NDRG1: variants seen among roughly 807,000 people sequenced by gnomAD.
NDRG1 encodes the protein protein NDRG1.
NDRG1 carries 32 observed loss-of-function variants against 56.9 expected under a neutral mutation model. That is an observed-to-expected ratio of 0.56 (90% confidence interval 0.42 to 0.76). The LOEUF is 0.76. Ranked by LOEUF, NDRG1 falls within the 30% of genes least tolerant of loss-of-function variation. The pLI, the probability that NDRG1 is intolerant of heterozygous loss-of-function variation, is 0.00. For missense variants in NDRG1, 507 were observed against 545.7 expected (o/e 0.93, Z 0.71); for synonymous variants, 211 against 204.1 (o/e 1.03, Z -0.29).
intron 1 of NDRG1, among the ~76,000 whole-genome samples, chr8:133,286,958 G>A (rs896528569): frequency 2.0e-5 from 3 of 152,144 alleles, no homozygotes; most frequent in Admixed American, 2.0e-4. Context: ...GGTGCTCTCT[G>A]CAGGTTGACC....
intron 4 of NDRG1, among the ~76,000 whole-genome samples, chr8:133,262,813 C>T (rs77256406): frequency 4.2e-4 from 64 of 152,312 alleles, no homozygotes; most frequent in African/African-American, 1.4e-3. Flanking sequence ...ACCATACCTG[C>T]CACCCAGATT....
intron 15 of NDRG1, chr8:133,240,015 G>A (rs1855293629): frequency 6.6e-6 from 1 of 152,296 alleles, no homozygotes; most frequent in South Asian, 2.1e-4. Context: ...GGCTGAGATT[G>A]GAGTGATGCA....
chr8:133,278,167 G>C (rs1446414698), intron 3 of NDRG1, among the ~76,000 whole-genome samples: 4 of 152,210 alleles, frequency 2.6e-5, no homozygotes, highest in African/African-American at 9.6e-5. Context: ...GACCCCTGGG[G>C]CTAACTTCCA....
In NDRG1 at chr8:133,238,078, G is replaced by C. The variant is rs1456638674; in HGVS notation, c.*800C>G. 1 of 233,030 alleles carries C rather than the reference G, an allele frequency of 4.3e-6. No homozygotes were observed. The highest frequency in any genetic ancestry group is 8.5e-6 in the Non-Finnish European group (1 of 117,972). The allele number at this position is 233,030 out of a possible 1,614,324, so 14.4% of individuals were successfully genotyped here. A position where few individuals can be genotyped will look rare whatever the true frequency, so the allele number is the denominator to read the frequency against. ...ATCACTGGCTCATGTATCAGGGGTG[G>C]GAGGTTGGGGCTGTGGAGGAGAGGC... On this transcript the variant is annotated 3_prime_UTR_variant, in exon 16 of 16. Transcript: ENST00000323851.
At chr8:133,270,098 G>A (rs1332117634) in intron 3 of NDRG1, among the ~76,000 whole-genome samples, 1 of 152,222 alleles carries the variant, frequency 6.6e-6, no homozygotes, top group African/African-American at 2.4e-5. Flanking sequence ...CAGCCAGGCC[G>A]CCAATTCCCA....
intron 15 of NDRG1, chr8:133,239,366 A>C: frequency 1.6e-6 from 1 of 633,030 alleles, no homozygotes. Flanking sequence ...TCTGGGTCTG[A>C]ACCCCAATTC....
At chr8:133,278,158 A>G (rs1286758896) in intron 3 of NDRG1, among the ~76,000 whole-genome samples, 1 of 152,102 alleles carries the variant, frequency 6.6e-6, no homozygotes, top group Non-Finnish European at 1.5e-5. Flanking sequence ...TGAGCAGATG[A>G]CCCCTGGGGC....
At chr8:133,291,709 G>A (rs948916915) in intron 1 of NDRG1, among the ~76,000 whole-genome samples, 2 of 152,270 alleles carry the variant, frequency 1.3e-5, no homozygotes, top group South Asian at 4.1e-4. Flanking sequence ...GGAACTCCTC[G>A]AGGGCCCCTG....
chr8:133,294,673 G>GGGT (rs1554596649), intron 1 of NDRG1, among the ~76,000 whole-genome samples: 1 of 108,026 alleles, frequency 9.3e-6, no homozygotes, highest in African/African-American at 4.4e-5. Flanking sequence ...TTCTGTCATG[G>GGGT]GGGGGGGGCA....
intron 11 of NDRG1, 104 bp downstream of exon 11, chr8:133,248,611 G>T: frequency 7.5e-7 from 1 of 1,339,886 alleles, no homozygotes; most frequent in Non-Finnish European, 1.1e-6. Flanking sequence ...AGGTCTCACT[G>T]ACACAATGTC....
chr8:133,245,568 C>G (rs978505114), intron 13 of NDRG1, among the ~76,000 whole-genome samples: 1 of 152,048 alleles, frequency 6.6e-6, no homozygotes, highest in Non-Finnish European at 1.5e-5. Context: ...TGTCTACTAG[C>G]TAAGGTGAAC....
intron 9 of NDRG1, 107 bp from the exon 10 acceptor site, chr8:133,250,650 T>A: frequency 1.0e-6 from 1 of 965,354 alleles, no homozygotes; most frequent in Non-Finnish European, 1.7e-6. Flanking sequence ...AAGATAATAA[T>A]GCCTAATCCA....
At chr8:133,244,918 G>A (rs772043251) in intron 13 of NDRG1, among the ~76,000 whole-genome samples, 29 of 152,188 alleles carry the variant, frequency 1.9e-4, no homozygotes, top group Non-Finnish European at 3.7e-4. Context: ...AACCGCAAGA[G>A]GCCATTGCAG....
At chr8:133,294,670 A>AT (rs1554596639) in intron 1 of NDRG1, among the ~76,000 whole-genome samples, 2 of 129,210 alleles carry the variant, frequency 1.5e-5, no homozygotes, top group Admixed American at 1.4e-4. Context: ...GTCTTCTGTC[A>AT]TGGGGGGGGG....
intron 2 of NDRG1, among the ~76,000 whole-genome samples, chr8:133,282,108 C>T (rs564333121): frequency 4.2e-4 from 64 of 152,266 alleles, no homozygotes; most frequent in African/African-American, 1.5e-3. Flanking sequence ...GGCATGTAAC[C>T]CTGAATGGGC....
At chr8:133,264,839 G>T (rs965158665) in intron 3 of NDRG1, 187 bp from the exon 4 acceptor site, 6 of 643,060 alleles carry the variant, frequency 9.3e-6, no homozygotes, top group Non-Finnish European at 8.5e-6. Context: ...GCTAGGAGGG[G>T]ACTCCCAGGA....
At chr8:133,261,901 C>G (rs1856676941) in intron 5 of NDRG1, 146 bp downstream of exon 5, 4 of 1,204,700 alleles carry the variant, frequency 3.3e-6, no homozygotes, top group Non-Finnish European at 4.5e-6. Flanking sequence ...TGTTATGTAT[C>G]TTTTCCCACA....
At chr8:133,287,945 G>A (rs548464085) in intron 1 of NDRG1, among the ~76,000 whole-genome samples, 7 of 149,132 alleles carry the variant, frequency 4.7e-5, no homozygotes, top group African/African-American at 1.2e-4. Context: ...GTGCACACAC[G>A]CACACACACA....
chr8:133,285,571 C>A (rs1481308531), intron 1 of NDRG1, among the ~76,000 whole-genome samples: 1 of 152,226 alleles, frequency 6.6e-6, no homozygotes, highest in African/African-American at 2.4e-5. Flanking sequence ...CCTGGTGAAA[C>A]ACCTCTTAGA....
Sources: allele counts gnomAD v4.1 joint callset (sites outside exome capture counted in the v4.1 genomes callset), GRCh38; gene constraint gnomAD v4.1.1; transcripts MANE v1.5; gene names NCBI Gene and HGNC (gene_info 2026-07-23, HGNC 2026-07-21).